ZFYVE16: variants seen among roughly 807,000 people sequenced by gnomAD.
ZFYVE16 encodes the protein zinc finger FYVE-type containing 16, also known as zinc finger FYVE domain-containing protein 16.
A neutral mutation model predicts 138.1 loss-of-function variants in ZFYVE16; 89 were observed. That is an observed-to-expected ratio of 0.64 (90% confidence interval 0.54 to 0.77). The LOEUF is 0.77. ZFYVE16 is among the 30% of genes least tolerant of loss of function. The probability of loss-of-function intolerance (pLI) is 0.00; values close to 1 mark genes in which losing one functional copy is unlikely to be tolerated. For missense variants in ZFYVE16, 1,793 were observed against 1,786.7 expected, an observed-to-expected ratio of 1.00 and a Z score of -0.06; for synonymous variants, 596 against 618.3, an observed-to-expected ratio of 0.96 and a Z score of 0.53.
chr5:80,413,354 C>G (rs1260542352), intron 1 of ZFYVE16, among the ~76,000 whole-genome samples: 1 of 151,800 alleles, frequency 6.6e-6, no homozygotes, highest in Non-Finnish European at 1.5e-5. Context: ...GCCTGTAATC[C>G]CAGCTACTTG....
rs6863865 is a variant in ZFYVE16, at chr5:80,429,714, A to G, written c.-40+2169A>G. Among the ~76,000 whole-genome samples, 950 of 152,324 alleles carry G rather than the reference A, an allele frequency of 6.2e-3. 10 individuals carry two copies. Among genetic ancestry groups the G allele is most frequent in the African/African-American group, 0.021 (878 of 41,578 alleles). Reference sequence around the variant, plus strand: ...GCTATATTCAGGAAACCCATCTCACATGCAGAGACACACATAGGCTCAAAA... The same window carrying G: ...GCTATATTCAGGAAACCCATCTCACGTGCAGAGACACACATAGGCTCAAAA... On this transcript the variant is annotated intron_variant, in intron 2 of 18. Coordinates refer to ENST00000505560, the MANE Select transcript of ZFYVE16 (RefSeq NM_001284236.3).
In ZFYVE16 at chr5:80,457,020, C is replaced by T. The variant is rs1379220096; in HGVS notation, c.3871C>T (p.His1291Tyr). 4 of 1,612,926 alleles carry T rather than the reference C, an allele frequency of 2.5e-6. No homozygotes were observed. The highest frequency in any genetic ancestry group is 3.4e-6 in the Non-Finnish European group (4 of 1,179,700). Residue 1291 changes from histidine (H) to tyrosine (Y), a missense_variant, in exon 14 of 19, where the codon CAT becomes TAT. By Grantham distance (83) the His-to-Tyr change is moderately conservative. This residue lies in a region of ZFYVE16 where 498 missense variants were observed against 582.4 expected (regional missense o/e 0.86). Transcript: ENST00000505560. ...GASFSTEADSHLVCIQNDGIY... is the reference protein window; with the variant it reads ...GASFSTEADSYLVCIQNDGIY... ...AAGTTTCAGTACAGAAGCAGATTCT[C>T]ATCTAGTCTGTATACAGAATGATGG...
chr5:80,459,102 A>AT (rs1752832508), intron 14 of ZFYVE16, among the ~76,000 whole-genome samples: 1 of 151,996 alleles, frequency 6.6e-6, no homozygotes, highest in Non-Finnish European at 1.5e-5. Context: ...TAATTTTTGT[A>AT]TTTTTAGTAG....
intron 15 of ZFYVE16, among the ~76,000 whole-genome samples, chr5:80,464,053 C>CT (rs1312601288): frequency 7.9e-5 from 12 of 152,182 alleles, no homozygotes; most frequent in African/African-American, 2.9e-4. Flanking sequence ...TTTCCCACAT[C>CT]TTCCTCTCTT....
chr5:80,438,908 G>A lies in ZFYVE16; in HGVS notation c.2223G>A (p.Gln741=), dbSNP rs779464500. 1 of 1,614,120 alleles carries A rather than the reference G, an allele frequency of 6.2e-7. No individual in the cohort carries two copies. Among genetic ancestry groups the A allele is most frequent in the Admixed American group, 1.7e-5 (1 of 60,008 alleles). The part of the protein sequence containing the change: ...CKEGLVLGQK[Q]PTWVPDSEAP... ...AAGGCTTGGTTTTGGGCCAGAAACA[G>A]CCTACTTGGGTTCCTGATTCAGAAG... The change falls in exon 4 of 19, where the codon CAG becomes CAA. Residue 741 remains glutamine (Q), a synonymous_variant. Transcript: ENST00000505560.
At chr5:80,450,769 A>G (rs929453489) in intron 10 of ZFYVE16, among the ~76,000 whole-genome samples, 183 bp downstream of exon 10, 3 of 151,020 alleles carry the variant, frequency 2.0e-5, no homozygotes, top group African/African-American at 4.9e-5. Flanking sequence ...ATTAGTGTCT[A>G]TGCAGATTTT....
At chr5:80,421,119 C>T (rs1747097106) in intron 1 of ZFYVE16, among the ~76,000 whole-genome samples, 1 of 152,164 alleles carries the variant, frequency 6.6e-6, no homozygotes, top group Admixed American at 6.5e-5. Flanking sequence ...TATTCATATC[C>T]TTCGCCCACT....
chr5:80,433,082 A>G (rs2112328066), intron 2 of ZFYVE16, among the ~76,000 whole-genome samples: 1 of 152,364 alleles, frequency 6.6e-6, no homozygotes, highest in African/African-American at 2.4e-5. Context: ...CCATCCCATT[A>G]CTGGGTATAT....
At chr5:80,459,073 G>A (rs978920650) in intron 14 of ZFYVE16, among the ~76,000 whole-genome samples, 1 of 151,986 alleles carries the variant, frequency 6.6e-6, no homozygotes, top group East Asian at 1.9e-4. Flanking sequence ...GATTATAGGC[G>A]CCTGCCACCA....
chr5:80,467,168 GC>G, intron 15 of ZFYVE16, among the ~76,000 whole-genome samples: 1 of 152,202 alleles, frequency 6.6e-6, no homozygotes, highest in South Asian at 2.1e-4. Context: ...TATGCATACA[GC>G]AAGTATTTAA....
chr5:80,429,582 A>G (rs1435941077), intron 2 of ZFYVE16, among the ~76,000 whole-genome samples: 2 of 152,218 alleles, frequency 1.3e-5, no homozygotes, highest in Non-Finnish European at 2.9e-5. Flanking sequence ...TAATGACAGG[A>G]TCAAATTCAC....
At chr5:80,411,762 G>A (rs2112131020) in intron 1 of ZFYVE16, 1 of 152,234 alleles carries the variant, frequency 6.6e-6, no homozygotes, top group Middle Eastern at 3.4e-3. Flanking sequence ...TCTCTCCCAG[G>A]ATGTTCTCAA....
At chr5:80,475,475 C>T (rs1458181106) in intron 18 of ZFYVE16, among the ~76,000 whole-genome samples, 1 of 152,144 alleles carries the variant, frequency 6.6e-6, no homozygotes, top group Non-Finnish European at 1.5e-5. Context: ...TGTTGACATC[C>T]AACCCATCAG....
At chr5:80,420,698 A>T (rs62365282) in intron 1 of ZFYVE16, among the ~76,000 whole-genome samples, 1 of 152,176 alleles carries the variant, frequency 6.6e-6, no homozygotes, top group Non-Finnish European at 1.5e-5. Context: ...TCTATCATTG[A>T]TGGACATTTG....
At chr5:80,461,662 CTCTTCT>C (rs759307109) in intron 15 of ZFYVE16, among the ~76,000 whole-genome samples, 14 of 152,098 alleles carry the variant, frequency 9.2e-5, no homozygotes, top group African/African-American at 2.9e-4. Context: ...GCTCCAGTAT[CTCTTCT>C]TCTTCTTCTA....
intron 15 of ZFYVE16, among the ~76,000 whole-genome samples, chr5:80,465,525 C>T (rs531092944): frequency 6.1e-5 from 9 of 148,720 alleles, no homozygotes; most frequent in East Asian, 4.1e-4. Context: ...CCCATCTCAG[C>T]CTCCTGAGTA....
At position 80,438,374 on chromosome 5, in the gene ZFYVE16, G is replaced by C; in HGVS notation, c.1689G>C (p.Gln563His). The change falls in exon 4 of 19, where the codon CAG becomes CAC. Residue 563 changes from glutamine to histidine, a missense_variant. Gln to His is a conservative substitution (Grantham distance 24). Around this residue, in one of 2 missense-constraint regions of ZFYVE16, gnomAD observed 1,295 missense variants for 1,204.3 expected, o/e 1.08. Coordinates refer to ENST00000505560, the MANE Select transcript of ZFYVE16 (RefSeq NM_001284236.3). Reference sequence around the variant, plus strand: ...ATGACTCTAAATCGCAAATGAATCAGATAGATATGAAAGGCTTAGATGATG... The same window carrying C: ...ATGACTCTAAATCGCAAATGAATCACATAGATATGAAAGGCTTAGATGATG... ...NVNDSKSQMN[Q>H]IDMKGLDDGN... 6.2e-7 allele frequency: 1 copy of C among 1,613,694 alleles called. No individual in the cohort carries two copies. Among genetic ancestry groups the C allele is most frequent in the Non-Finnish European group, 8.5e-7 (1 of 1,179,890 alleles).
intron 1 of ZFYVE16, among the ~76,000 whole-genome samples, chr5:80,410,645 A>C (rs1745284219): frequency 1.3e-5 from 2 of 151,892 alleles, no homozygotes; most frequent in Non-Finnish European, 2.9e-5. Flanking sequence ...ATCTCGGCTC[A>C]CTGTAACCTC....
intron 11 of ZFYVE16, chr5:80,455,013 A>G (rs750626158): frequency 6.6e-6 from 1 of 152,218 alleles, no homozygotes; most frequent in Non-Finnish European, 1.5e-5. Flanking sequence ...CAAGATGTAT[A>G]ATGAAAAGAT....
Sources: gnomAD v4.1 joint callset for allele counts (sites outside exome capture counted in the v4.1 genomes callset) on GRCh38, gnomAD v4.1.1 for gene constraint, gnomAD v4.1.1 regional missense constraint, MANE v1.5 for transcripts, NCBI Gene and HGNC (gene_info 2026-07-23, HGNC 2026-07-21) for gene names.